SUGP1: variants seen among roughly 807,000 people sequenced by gnomAD.
The protein encoded by SUGP1 is SURP and G-patch domain-containing protein 1.
SUGP1 carries 34 observed loss-of-function variants against 76.5 expected under a neutral mutation model. The observed-to-expected ratio is 0.44, with a 90% CI of 0.34 to 0.59. SUGP1 has a LOEUF of 0.59. Ranked by LOEUF, SUGP1 falls within the 20% of genes least tolerant of loss-of-function variation. SUGP1 has a pLI of 0.01. For missense variants in SUGP1, 752 were observed against 851.7 expected, an observed-to-expected ratio of 0.88 and a Z score of 1.46; for synonymous variants, 326 against 326.2, an observed-to-expected ratio of 1.00 and a Z score of 0.01.
At chr19:19,308,826 GGTAAGC>G (rs1228265708) in intron 3 of SUGP1, among the ~76,000 whole-genome samples, 1 of 152,092 alleles carries the variant, frequency 6.6e-6, no homozygotes, top group Non-Finnish European at 1.5e-5. Context: ...GCTCCTACAG[GGTAAGC>G]ACATTGAGTG....
In SUGP1 at chr19:19,297,144, A is replaced by G; in HGVS notation, c.1088T>C (p.Ile363Thr). Residue 363 changes from isoleucine to threonine, a missense_variant, in exon 8 of 14, where the codon ATC (isoleucine) becomes ACC (threonine). By Grantham distance (89) the Ile-to-Thr change is moderately conservative (BLOSUM62 -1). Transcript: ENST00000247001. The stretch of plus-strand genomic sequence containing the variant: ...CCCGGGGGCAGCTGGAGCAGGGATG[A>G]TAGTGGGCGCAGGCGTGGACGAGGC... ...CPASSTPAPT[I>T]IPAPAAPGKP... The G allele has an allele frequency of 6.2e-7, 1 of 1,613,842 alleles. No homozygotes were observed. Among genetic ancestry groups the G allele is most frequent in the Non-Finnish European group, 8.5e-7 (1 of 1,179,864 alleles).
intron 2 of SUGP1, among the ~76,000 whole-genome samples, chr19:19,313,685 G>A (rs2146628761): frequency 6.6e-6 from 1 of 152,168 alleles, no homozygotes; most frequent in East Asian, 1.9e-4. Flanking sequence ...CTGCAGCCTG[G>A]GTGACAGAGT....
chr19:19,315,101 AG>A (rs1203984443), intron 2 of SUGP1, among the ~76,000 whole-genome samples: 1 of 152,150 alleles, frequency 6.6e-6, no homozygotes. Context: ...CCAAGGTGGG[AG>A]GATCACTTGA....
At chr19:19,303,474 A>G in intron 5 of SUGP1, 26 bp from the exon 6 acceptor site, 1 of 1,592,312 alleles carries the variant, frequency 6.3e-7, no homozygotes, top group Non-Finnish European at 8.6e-7. Context: ...TTTGCAGAAG[A>G]GAGGGGAAAA....
intron 7 of SUGP1, among the ~76,000 whole-genome samples, chr19:19,301,241 C>G (rs2061269206): frequency 6.6e-6 from 1 of 152,094 alleles, no homozygotes; most frequent in Admixed American, 6.5e-5. Flanking sequence ...TCCACGGCCC[C>G]AACACAGGCT....
At position 19,319,726 on chromosome 19, in the gene SUGP1, A is replaced by AG. The variant is rs1555791698; in HGVS notation, c.34+736_34+737insC. Among the ~76,000 whole-genome samples, 531 of 147,298 alleles carry AG rather than the reference A, an allele frequency of 3.6e-3. 3 individuals are homozygous for AG. The highest frequency in any genetic ancestry group is 0.01 in the African/African-American group (387 of 38,052). Reference sequence around the variant, plus strand: ...TGTCTCAAAAAAAAAAAAAAAAAAAAAAAGAAAGAAAGAAAGAAAAGGTCT... The same window carrying AG: ...TGTCTCAAAAAAAAAAAAAAAAAAAAGAAAGAAAGAAAGAAAGAAAAGGTCT... On this transcript the variant is annotated intron_variant, in intron 1 of 13. Coordinates refer to ENST00000247001, the MANE Select transcript of SUGP1 (RefSeq NM_172231.4).
Position 19,279,197 on chromosome 19 carries a change from C to A in SUGP1, c.1528+16G>T. On this transcript the variant is annotated intron_variant, in intron 10 of 13. Coordinates refer to ENST00000247001, the MANE Select transcript of SUGP1 (RefSeq NM_172231.4). ...CATGCCCAGCCCAGCCCGGCCCACCCCGCTGCCCCACATACCCCTGGTCTT... is the reference window on the plus strand; with the variant it reads ...CATGCCCAGCCCAGCCCGGCCCACCACGCTGCCCCACATACCCCTGGTCTT... 6.3e-7 allele frequency: 1 copy of A among 1,576,854 alleles called. No individual in the cohort carries two copies. Among genetic ancestry groups the A allele is most frequent in the South Asian group, 1.1e-5 (1 of 87,260 alleles).
chr19:19,309,769 G>A (rs1048648141), intron 3 of SUGP1, among the ~76,000 whole-genome samples: 6 of 152,188 alleles, frequency 3.9e-5, no homozygotes, highest in South Asian at 2.1e-4. Flanking sequence ...AAAATTAGCC[G>A]GGCGTGGTGG....
chr19:19,286,057 A>G (rs970395079), intron 8 of SUGP1, among the ~76,000 whole-genome samples: 2 of 152,252 alleles, frequency 1.3e-5, no homozygotes, highest in African/African-American at 4.8e-5. Flanking sequence ...TCACGCCTGT[A>G]ATCCTAACAC....
At chr19:19,307,362 T>C (rs2061324719) in intron 3 of SUGP1, among the ~76,000 whole-genome samples, 2 of 152,088 alleles carry the variant, frequency 1.3e-5, no homozygotes, top group African/African-American at 4.8e-5. Context: ...GGCTTCATCT[T>C]TTTAAGCCTT....
At chr19:19,314,894 C>T (rs561255550) in intron 2 of SUGP1, among the ~76,000 whole-genome samples, 92 of 152,228 alleles carry the variant, frequency 6.0e-4, no homozygotes, top group Admixed American at 2.3e-3. Flanking sequence ...ATTGGCTGGG[C>T]GTGGCAGCGC....
At chr19:19,316,871 C>T (rs893324100) in intron 1 of SUGP1, among the ~76,000 whole-genome samples, 3 of 152,140 alleles carry the variant, frequency 2.0e-5, no homozygotes, top group African/African-American at 7.2e-5. Context: ...GGTGCAGAGG[C>T]TCATGCCTGC....
chr19:19,283,568 C>A (rs2061116642), intron 8 of SUGP1, among the ~76,000 whole-genome samples: 1 of 152,208 alleles, frequency 6.6e-6, no homozygotes, highest in Admixed American at 6.5e-5. Flanking sequence ...GATTCTCCTG[C>A]CTCAGCCTCC....
Position 19,296,969 on chromosome 19 carries a change from G to T in SUGP1, c.1243+20C>A, listed in dbSNP as rs554234174. On this transcript the variant is annotated intron_variant, in intron 8 of 13. Coordinates refer to ENST00000247001, the MANE Select transcript of SUGP1 (RefSeq NM_172231.4). ...AAGTCAGACCCTTCCAACACAGGGAGGGGGAGAGGGTCTGCCCACCTGACA... is the reference window on the plus strand; with the variant it reads ...AAGTCAGACCCTTCCAACACAGGGATGGGGAGAGGGTCTGCCCACCTGACA... The T allele has an allele frequency of 5.2e-6, 8 of 1,539,568 alleles. No individual in the cohort carries two copies. The highest frequency in any genetic ancestry group is 7.0e-6 in the Non-Finnish European group (8 of 1,135,130).
At chr19:19,318,414 C>T (rs1294534498) in intron 1 of SUGP1, among the ~76,000 whole-genome samples, 1 of 151,994 alleles carries the variant, frequency 6.6e-6, no homozygotes, top group Non-Finnish European at 1.5e-5. Flanking sequence ...GCCACCACAC[C>T]CAGCCGTTTT....
intron 9 of SUGP1, 40 bp from the exon 10 acceptor site, chr19:19,279,430 G>A: frequency 6.5e-7 from 1 of 1,539,732 alleles, no homozygotes. Flanking sequence ...GCACGGTGCT[G>A]TGGCCTGCCG....
At chr19:19,299,990 C>A (rs1430900772) in intron 7 of SUGP1, among the ~76,000 whole-genome samples, 2 of 151,936 alleles carry the variant, frequency 1.3e-5, no homozygotes, top group African/African-American at 4.8e-5. Flanking sequence ...GTTGGTCAGG[C>A]TGTTCTTGAA....
chr19:19,281,413 C>T (rs1482730349), intron 8 of SUGP1: 1 of 152,256 alleles, frequency 6.6e-6, no homozygotes. Context: ...TAGGTACCCT[C>T]CACCCTGGCT....
chr19:19,316,563 G>A lies in SUGP1; in HGVS notation c.65C>T (p.Pro22Leu). The A allele has an allele frequency of 6.2e-7, 1 of 1,613,878 alleles. No individual in the cohort carries two copies. The highest frequency in any genetic ancestry group is 8.5e-7 in the Non-Finnish European group (1 of 1,179,980). Residue 22 changes from proline (P) to leucine (L), a missense_variant, in exon 2 of 14, where the codon CCC (proline) becomes CTC (leucine). Physicochemically the swap from Pro to Leu is moderately conservative, Grantham distance 98. This residue lies in a region of SUGP1 where 620 missense variants were observed against 617.3 expected (regional missense o/e 1.00). Transcript: ENST00000247001. ...GKANRWFGVA[P>L]PKSGKMNMNI... ...CATGTTCATTTTTCCAGATTTAGGG[G>A]GAGCAACCCCAAACCACCGGTTAGC...
Sources: gnomAD v4.1 joint callset for allele counts (sites outside exome capture counted in the v4.1 genomes callset) on GRCh38, gnomAD v4.1.1 for gene constraint, gnomAD v4.1.1 regional missense constraint, MANE v1.5 for transcripts, NCBI Gene and HGNC (gene_info 2026-07-23, HGNC 2026-07-21) for gene names.